UBE2E2: variants seen among roughly 807,000 people sequenced by gnomAD.
The protein encoded by UBE2E2 is ubiquitin-conjugating enzyme E2 E2.
Under a neutral mutation model 24.7 loss-of-function variants are expected in UBE2E2, and 6 were observed. The observed-to-expected ratio is 0.24, with a 90% confidence interval of 0.13 to 0.48. UBE2E2 has a LOEUF of 0.48. Ranked by LOEUF, UBE2E2 falls within the 20% of genes least tolerant of loss-of-function variation. UBE2E2 has a pLI of 0.99. For synonymous variants in UBE2E2, 104 were observed against 83.6 expected, an observed-to-expected ratio of 1.24 and a Z score of -1.33; for missense variants, 169 against 245.0, an observed-to-expected ratio of 0.69 and a Z score of 2.07.
rs542203551 is a variant in UBE2E2, at chr3:23,417,886, A to G, written c.228-81722A>G. Among the ~76,000 whole-genome samples the G allele has an allele frequency of 2.1e-3, 325 of 152,306 alleles. 5 individuals are homozygous for G. The highest frequency in any genetic ancestry group is 8.3e-4 in the South Asian group (4 of 4,828). On this transcript the variant is annotated intron_variant, in intron 3 of 5. Coordinates refer to ENST00000396703, the MANE Select transcript of UBE2E2 (RefSeq NM_152653.4). The stretch of plus-strand genomic sequence containing the variant: ...GGAAAAACCACCTACTAAAGCCTCA[A>G]TAATGGCGGGTGTCCCTCCCGTGCC...
intron 4 of UBE2E2, among the ~76,000 whole-genome samples, chr3:23,500,053 G>A (rs1272425609): frequency 6.6e-6 from 1 of 152,064 alleles, no homozygotes; most frequent in Non-Finnish European, 1.5e-5. Context: ...GGTTGGGCCA[G>A]GGTGAGTACC....
At chr3:23,350,144 AG>A (rs978268199) in intron 3 of UBE2E2, among the ~76,000 whole-genome samples, 4 of 152,234 alleles carry the variant, frequency 2.6e-5, no homozygotes, top group Non-Finnish European at 4.4e-5. Context: ...GTGGACCTCT[AG>A]CAAACTCCAA....
intron 5 of UBE2E2, among the ~76,000 whole-genome samples, chr3:23,556,586 G>A (rs936029192): frequency 5.9e-5 from 9 of 151,682 alleles, no homozygotes; most frequent in East Asian, 1.9e-4. Flanking sequence ...AGATGAAAGC[G>A]GTATTGTGGA....
chr3:23,227,476 A>G (rs1696858470), intron 3 of UBE2E2, among the ~76,000 whole-genome samples: 1 of 152,242 alleles, frequency 6.6e-6, no homozygotes, highest in Non-Finnish European at 1.5e-5. Context: ...AAGAGGAGTT[A>G]TTAACATGAT....
At chr3:23,550,970 T>C (rs549256110) in intron 5 of UBE2E2, among the ~76,000 whole-genome samples, 1 of 152,206 alleles carries the variant, frequency 6.6e-6, no homozygotes, top group Non-Finnish European at 1.5e-5. Flanking sequence ...TCCTGCCTTA[T>C]TAGTAGGGAT....
intron 3 of UBE2E2, among the ~76,000 whole-genome samples, chr3:23,301,131 C>G (rs1023811120): frequency 2.0e-5 from 3 of 152,194 alleles, no homozygotes; most frequent in African/African-American, 7.2e-5. Context: ...GTTTTCAGCT[C>G]CATCAGGTCC....
intron 2 of UBE2E2, among the ~76,000 whole-genome samples, chr3:23,212,875 ATATATAG>A: frequency 6.6e-6 from 1 of 152,110 alleles, no homozygotes; most frequent in South Asian, 2.1e-4. Flanking sequence ...AGAATCATAG[ATATATAG>A]TATATACCAC....
At chr3:23,441,516 G>A (rs1698303942) in intron 3 of UBE2E2, among the ~76,000 whole-genome samples, 1 of 139,396 alleles carries the variant, frequency 7.2e-6, no homozygotes, top group Non-Finnish European at 1.5e-5. Context: ...TCCAGCCTGG[G>A]CGACAAAGCG....
At chr3:23,364,659 G>T (rs533399435) in intron 3 of UBE2E2, among the ~76,000 whole-genome samples, 6 of 152,094 alleles carry the variant, frequency 3.9e-5, no homozygotes, top group Non-Finnish European at 8.8e-5. Context: ...AAAATCCCAG[G>T]ACCAGACAGA....
intron 4 of UBE2E2, among the ~76,000 whole-genome samples, chr3:23,514,563 A>G (rs373236221): frequency 3.2e-4 from 49 of 152,258 alleles, no homozygotes; most frequent in African/African-American, 1.1e-3. Flanking sequence ...AAAGGCATCC[A>G]GTAAACCCAG....
chr3:23,461,069 T>G (rs1698796063), intron 3 of UBE2E2, among the ~76,000 whole-genome samples: 1 of 152,222 alleles, frequency 6.6e-6, no homozygotes. Flanking sequence ...AAATTTCATG[T>G]GTTTCCACAG....
chr3:23,537,533 T>G (rs1171113497), intron 5 of UBE2E2, among the ~76,000 whole-genome samples: 1 of 152,160 alleles, frequency 6.6e-6, no homozygotes, highest in Non-Finnish European at 1.5e-5. Context: ...TGCAGTTTCA[T>G]TGGTAAAAGC....
intron 3 of UBE2E2, among the ~76,000 whole-genome samples, chr3:23,331,561 C>T (rs4858503): frequency 0.63 from 95,510 of 151,464 alleles, 30,743 homozygotes; most frequent in Admixed American, 0.69. Context: ...ACCTCTCTGA[C>T]AAAGTGACAC....
intron 3 of UBE2E2, among the ~76,000 whole-genome samples, chr3:23,331,250 C>T (rs1289318044): frequency 1.3e-5 from 2 of 152,102 alleles, no homozygotes; most frequent in Non-Finnish European, 2.9e-5. Context: ...TTCAATAAGT[C>T]AGTCTTTAAG....
At chr3:23,455,808 A>G (rs1409434060) in intron 3 of UBE2E2, among the ~76,000 whole-genome samples, 1 of 152,174 alleles carries the variant, frequency 6.6e-6, no homozygotes, top group Non-Finnish European at 1.5e-5. Context: ...ATGGCTGCTC[A>G]CTGATCAAGG....
intron 3 of UBE2E2, among the ~76,000 whole-genome samples, chr3:23,296,281 T>G (rs1698905474): frequency 6.6e-6 from 1 of 152,212 alleles, no homozygotes. Context: ...AAAAAAATAT[T>G]TCACTACTTT....
intron 3 of UBE2E2, among the ~76,000 whole-genome samples, chr3:23,390,868 A>G (rs1047150704): frequency 5.9e-5 from 9 of 152,174 alleles, no homozygotes; most frequent in African/African-American, 2.2e-4. Context: ...ACATCATTAT[A>G]TCTTTGCTTT....
At chr3:23,403,001 C>G (rs1329576934) in intron 3 of UBE2E2, among the ~76,000 whole-genome samples, 1 of 152,144 alleles carries the variant, frequency 6.6e-6, no homozygotes, top group Non-Finnish European at 1.5e-5. Context: ...ATGGCAGCCT[C>G]AGGGGCAGAT....
chr3:23,426,985 T>C (rs1003578091), intron 3 of UBE2E2, among the ~76,000 whole-genome samples: 4 of 152,060 alleles, frequency 2.6e-5, no homozygotes, highest in African/African-American at 9.7e-5. Flanking sequence ...AGGGATGAGA[T>C]GGAAGAATTA....
Sources: allele counts gnomAD v4.1 joint callset (sites outside exome capture counted in the v4.1 genomes callset), GRCh38; gene constraint gnomAD v4.1.1; transcripts MANE v1.5; gene names NCBI Gene and HGNC (gene_info 2026-07-23, HGNC 2026-07-21).